The following CNTNAP2 variants were observed in gnomAD, a reference collection of about 807,000 sequenced individuals.
The protein encoded by CNTNAP2 is contactin-associated protein-like 2.
In CNTNAP2, 98 loss-of-function variants were observed where a neutral mutation model predicts 155.2. The ratio of observed to expected loss-of-function variants is 0.63; its 90% CI spans 0.54 to 0.75. The LOEUF (loss-of-function observed/expected upper bound fraction) is 0.75. Among genes scored for constraint, CNTNAP2 ranks in the 30% least tolerant of loss-of-function variants. The pLI is 0.00. For synonymous variants in CNTNAP2, 651 were observed against 631.2 expected, an observed-to-expected ratio of 1.03 and a Z score of -0.47; for missense variants, 1,727 against 1,688.1, an observed-to-expected ratio of 1.02 and a Z score of -0.40.
At chr7:146,246,043 A>G (rs1445516162) in intron 1 of CNTNAP2, among the ~76,000 whole-genome samples, 6 of 151,648 alleles carry the variant, frequency 4.0e-5, no homozygotes, top group East Asian at 3.9e-4. Context: ...AATTGTAAGG[A>G]GAGTTTATAG....
intron 2 of CNTNAP2, among the ~76,000 whole-genome samples, chr7:146,829,820 T>C (rs939374682): frequency 3.9e-5 from 6 of 152,122 alleles, no homozygotes; most frequent in Non-Finnish European, 8.8e-5. Flanking sequence ...CACATCATTC[T>C]GGTTATTCTT....
At chr7:147,251,240 C>A (rs954810040) in intron 8 of CNTNAP2, among the ~76,000 whole-genome samples, 3 of 152,082 alleles carry the variant, frequency 2.0e-5, no homozygotes, top group Non-Finnish European at 4.4e-5. Flanking sequence ...TGATAAGTAC[C>A]CAGCATCCCC....
intron 15 of CNTNAP2, among the ~76,000 whole-genome samples, chr7:148,074,685 C>CAA (rs111493967): frequency 0.013 from 1,783 of 135,570 alleles, 39 homozygotes; most frequent in African/African-American, 0.045. Context: ...AAGACTGTCT[C>CAA]AAAAAAAAAA....
chr7:147,430,507 A>G (rs1048978591), intron 10 of CNTNAP2, among the ~76,000 whole-genome samples: 7 of 152,186 alleles, frequency 4.6e-5, no homozygotes, highest in African/African-American at 1.7e-4. Context: ...TAGCAATCCA[A>G]TGGGAAGATG....
chr7:146,861,141 A>C (rs1420038118), intron 3 of CNTNAP2, among the ~76,000 whole-genome samples: 2 of 151,644 alleles, frequency 1.3e-5, no homozygotes, highest in Non-Finnish European at 2.9e-5. Flanking sequence ...TTTCACTGCA[A>C]CCTCCGCCTC....
At position 147,793,627 on chromosome 7, in the gene CNTNAP2, T is replaced by C. The variant is rs544438576; in HGVS notation, c.2099-109938T>C. Among the ~76,000 whole-genome samples the C allele has an allele frequency of 1.2e-4, 19 of 152,226 alleles. No homozygotes were observed. In the East Asian group the frequency reaches 3.5e-3, roughly 28 times the overall value. On this transcript the variant is annotated intron_variant, in intron 13 of 23. Transcript: ENST00000361727. Reference sequence around the variant, plus strand: ...AGTCCTCCAACTGTGTTTTTCTATTTTAAGATGCTTTTGGCTGTTCTGAGT... The same window carrying C: ...AGTCCTCCAACTGTGTTTTTCTATTCTAAGATGCTTTTGGCTGTTCTGAGT...
chr7:147,031,982 G>A (rs888827260), intron 3 of CNTNAP2, among the ~76,000 whole-genome samples: 15 of 152,160 alleles, frequency 9.9e-5, no homozygotes, highest in Admixed American at 2.0e-4. Context: ...GTGAGGAGTG[G>A]CATTAATTGA....
At chr7:147,823,829 G>A (rs147155590) in intron 13 of CNTNAP2, among the ~76,000 whole-genome samples, 199 of 152,176 alleles carry the variant, frequency 1.3e-3, no homozygotes, top group African/African-American at 4.6e-3. Context: ...AGCAAAAGTA[G>A]TAAAGTTCTC....
chr7:147,251,173 C>G (rs1340995146), intron 8 of CNTNAP2, among the ~76,000 whole-genome samples: 1 of 152,148 alleles, frequency 6.6e-6, no homozygotes, highest in Non-Finnish European at 1.5e-5. Flanking sequence ...TAAAAAAGAG[C>G]AGGATTTCAC....
Position 148,229,652 on chromosome 7 carries a change from T to A in CNTNAP2, c.3254T>A (p.Leu1085Ter). 6.2e-7 allele frequency: 1 copy of A among 1,614,056 alleles called. No individual in the cohort carries two copies. The highest frequency in any genetic ancestry group is 8.5e-7 in the Non-Finnish European group (1 of 1,180,014). The change falls in exon 20 of 24, where the codon TTA becomes TAA. Residue 1085 changes from leucine to a stop codon, truncating the protein, a stop_gained. Coordinates refer to ENST00000361727, the MANE Select transcript of CNTNAP2 (RefSeq NM_014141.6). LOFTEE classifies it high-confidence loss of function. ...TTTCTTTTTTCTTCTATAGGAAGCT[T>A]ACAGATTCGATACAACCTGGGTGGC... is the stretch of plus-strand genomic sequence containing the variant. ...LAVLVKPTGSLQIRYNLGGTR... is the reference protein window; with the variant it reads ...LAVLVKPTGS
intron 3 of CNTNAP2, among the ~76,000 whole-genome samples, chr7:147,010,127 G>A (rs1035175949): frequency 2.0e-5 from 3 of 149,740 alleles, no homozygotes; most frequent in East Asian, 2.0e-4. Context: ...CTTCCACCTC[G>A]GCCTCCCGAG....
chr7:146,346,525 T>C (rs1189218733), intron 1 of CNTNAP2, among the ~76,000 whole-genome samples: 1 of 152,026 alleles, frequency 6.6e-6, no homozygotes, highest in African/African-American at 2.4e-5. Flanking sequence ...CTACTAAAAA[T>C]ACACAAATTA....
chr7:146,379,818 A>C (rs966844122), intron 1 of CNTNAP2, among the ~76,000 whole-genome samples: 2 of 152,178 alleles, frequency 1.3e-5, no homozygotes, highest in Non-Finnish European at 2.9e-5. Context: ...GATTTTAAAT[A>C]AATTTCAAAA....
intron 1 of CNTNAP2, among the ~76,000 whole-genome samples, chr7:146,352,014 A>G (rs78824238): frequency 0.015 from 2,266 of 152,330 alleles, 22 homozygotes; most frequent in Non-Finnish European, 0.022. Flanking sequence ...TACAGAGGAA[A>G]GAAGACTTCA....
intron 10 of CNTNAP2, among the ~76,000 whole-genome samples, chr7:147,409,343 G>A (rs1274627472): frequency 6.6e-6 from 1 of 152,188 alleles, no homozygotes; most frequent in South Asian, 2.1e-4. Context: ...TAACTGGCTA[G>A]CCATATGCAG....
chr7:147,101,090 T>C (rs558273741), intron 4 of CNTNAP2, among the ~76,000 whole-genome samples: 42 of 152,108 alleles, frequency 2.8e-4, no homozygotes, highest in Non-Finnish European at 5.3e-4. Context: ...GGAAAGGTGC[T>C]ATGTGAAGTT....
intron 15 of CNTNAP2, among the ~76,000 whole-genome samples, chr7:147,999,776 T>A (rs1018069474): frequency 9.9e-5 from 15 of 151,848 alleles, no homozygotes; most frequent in African/African-American, 3.6e-4. Flanking sequence ...TATGAAAAAA[T>A]GGAGGTAGAA....
intron 21 of CNTNAP2, among the ~76,000 whole-genome samples, chr7:148,318,585 A>G (rs1242867975): frequency 6.6e-6 from 1 of 152,168 alleles, no homozygotes. Context: ...ACAGCTTGGA[A>G]CCTGGATAGT....
intron 1 of CNTNAP2, among the ~76,000 whole-genome samples, chr7:146,422,878 C>T (rs913585897): frequency 2.6e-5 from 4 of 151,898 alleles, no homozygotes; most frequent in African/African-American, 9.7e-5. Flanking sequence ...TTAAAATATG[C>T]CTTATTGGAG....
Sources: allele counts gnomAD v4.1 joint callset (sites outside exome capture counted in the v4.1 genomes callset), GRCh38; gene constraint gnomAD v4.1.1; transcripts MANE v1.5; gene names NCBI Gene and HGNC (gene_info 2026-07-23, HGNC 2026-07-21).